SLC35F4: variants seen among roughly 807,000 people sequenced by gnomAD.
SLC35F4 encodes chromosome 14 open reading frame 36.
In SLC35F4, 24 loss-of-function variants were observed where a neutral mutation model predicts 44.2. The ratio of observed to expected loss-of-function variants is 0.54; its 90% CI spans 0.39 to 0.76. The LOEUF is 0.76. Among genes scored for constraint, SLC35F4 ranks in the 30% least tolerant of loss-of-function variants. The pLI is 0.00. For missense variants in SLC35F4, 562 were observed against 586.1 expected, an observed-to-expected ratio of 0.96 and a Z score of 0.42; for synonymous variants, 238 against 223.6, an observed-to-expected ratio of 1.06 and a Z score of -0.57.
At position 57,589,211 on chromosome 14, in the gene SLC35F4, C is replaced by A; in HGVS notation, c.587+5G>T. On this transcript the variant is annotated splice_donor_5th_base_variant and intron_variant, in intron 3 of 7. Coordinates refer to ENST00000556826, the MANE Select transcript of SLC35F4 (RefSeq NM_001306087.2). ...CTCTTATTGGGCAGTTAACATGAAACCTACCTGAATTTTTTCATTGGAGAT... is the reference window on the plus strand; with the variant it reads ...CTCTTATTGGGCAGTTAACATGAAAACTACCTGAATTTTTTCATTGGAGAT... The A allele has an allele frequency of 6.3e-7, 1 of 1,597,814 alleles. No homozygotes were observed. The highest frequency in any genetic ancestry group is 1.7e-5 in the Admixed American group (1 of 58,152).
At chr14:57,913,972 T>C (rs1889266796) in intron 1 of SLC35F4, among the ~76,000 whole-genome samples, 1 of 152,216 alleles carries the variant, frequency 6.6e-6, no homozygotes, top group Admixed American at 6.5e-5. Flanking sequence ...TGTTGGATAT[T>C]TTCTGAACAC....
At chr14:57,929,285 CA>C (rs1889645985) in intron 1 of SLC35F4, among the ~76,000 whole-genome samples, 2 of 152,024 alleles carry the variant, frequency 1.3e-5, no homozygotes, top group Admixed American at 1.3e-4. Context: ...GTAAACTAAG[CA>C]AAAGAATATG....
intron 1 of SLC35F4, among the ~76,000 whole-genome samples, chr14:57,737,327 T>C (rs1253721795): frequency 1.3e-5 from 2 of 152,174 alleles, no homozygotes; most frequent in East Asian, 3.8e-4. Flanking sequence ...TCCTCCAATC[T>C]ACTCCCTATT....
At chr14:57,926,580 T>C (rs1889574867) in intron 1 of SLC35F4, among the ~76,000 whole-genome samples, 1 of 152,176 alleles carries the variant, frequency 6.6e-6, no homozygotes, top group Admixed American at 6.5e-5. Flanking sequence ...TATGTATATG[T>C]GCCACTGCTT....
chr14:57,925,602 A>C (rs1213015644), intron 1 of SLC35F4, among the ~76,000 whole-genome samples: 1 of 150,414 alleles, frequency 6.6e-6, no homozygotes, highest in African/African-American at 2.5e-5. Flanking sequence ...AGAATAGAGA[A>C]ACACTTAAGT....
chr14:57,606,768 C>T (rs1434339151), intron 1 of SLC35F4, among the ~76,000 whole-genome samples: 1 of 152,220 alleles, frequency 6.6e-6, no homozygotes, highest in Non-Finnish European at 1.5e-5. Context: ...GGAATCTTCT[C>T]TTCCAAATGG....
rs192354940 is a variant in SLC35F4 at position 57,732,493 on chromosome 14, A to G, written c.103+133230T>C. The stretch of plus-strand genomic sequence containing the variant: ...GTAATTAAGACAAGCTAAATGTTCA[A>G]TCATATTGCTCTATATGTCAATTTA... On this transcript the variant is annotated intron_variant, in intron 1 of 7. Transcript: ENST00000556826. Among the ~76,000 whole-genome samples the G allele has an allele frequency of 7.2e-5, 11 of 152,330 alleles. No individual in the cohort carries two copies. The East Asian group carries it at 1.7e-3, about 24-fold the overall frequency.
chr14:57,790,819 G>A (rs1234029040), intron 1 of SLC35F4, among the ~76,000 whole-genome samples: 1 of 152,080 alleles, frequency 6.6e-6, no homozygotes, highest in Non-Finnish European at 1.5e-5. Flanking sequence ...AGAGGCCTCA[G>A]AAATAACACC....
At chr14:57,862,874 C>A (rs754669693) in intron 1 of SLC35F4, among the ~76,000 whole-genome samples, 4 of 152,172 alleles carry the variant, frequency 2.6e-5, no homozygotes, top group Non-Finnish European at 5.9e-5. Context: ...TGTTTGCTCC[C>A]ACTAGAACTT....
At chr14:57,807,910 C>G (rs1043146346) in intron 1 of SLC35F4, among the ~76,000 whole-genome samples, 4 of 151,640 alleles carry the variant, frequency 2.6e-5, no homozygotes, top group Admixed American at 1.3e-4. Context: ...TGGTGGGAGG[C>G]AAAGGAGGAG....
At chr14:57,735,741 A>AT (rs1402469473) in intron 1 of SLC35F4, among the ~76,000 whole-genome samples, 1 of 150,984 alleles carries the variant, frequency 6.6e-6, no homozygotes, top group African/African-American at 2.4e-5. Flanking sequence ...TTTTTTTTTA[A>AT]AGACAGAGCT....
intron 1 of SLC35F4, among the ~76,000 whole-genome samples, chr14:57,874,912 A>T (rs1888367563): frequency 6.6e-6 from 1 of 152,188 alleles, no homozygotes; most frequent in South Asian, 2.1e-4. Context: ...TGTAATCAGT[A>T]ACTGACTACT....
At chr14:57,617,375 C>T (rs947151698) in intron 1 of SLC35F4, among the ~76,000 whole-genome samples, 1 of 151,940 alleles carries the variant, frequency 6.6e-6, no homozygotes, top group Non-Finnish European at 1.5e-5. Flanking sequence ...CGTGATCCAC[C>T]TGCCTCAGCC....
chr14:57,629,823 G>C, intron 1 of SLC35F4: 1 of 335,412 alleles, frequency 3.0e-6, no homozygotes. Context: ...ACGAGAAGTG[G>C]GAGTGGAGGA....
intron 1 of SLC35F4, among the ~76,000 whole-genome samples, chr14:57,677,230 T>C (rs1334967755): frequency 6.6e-6 from 1 of 151,868 alleles, no homozygotes; most frequent in Non-Finnish European, 1.5e-5. Context: ...GGAATAAGAA[T>C]GATATAATGG....
At chr14:57,977,640 T>G (rs1056768921) in intron 1 of SLC35F4, among the ~76,000 whole-genome samples, 5 of 152,312 alleles carry the variant, frequency 3.3e-5, no homozygotes, top group African/African-American at 1.2e-4. Flanking sequence ...CAGAAATTAA[T>G]TTTATCAACC....
intron 1 of SLC35F4, among the ~76,000 whole-genome samples, chr14:57,757,490 T>C (rs2077021044): frequency 6.6e-6 from 1 of 152,150 alleles, no homozygotes. Context: ...TAAATGATTA[T>C]ATTTTATTTT....
At chr14:57,670,119 G>A (rs1285346704) in intron 1 of SLC35F4, among the ~76,000 whole-genome samples, 3 of 152,144 alleles carry the variant, frequency 2.0e-5, no homozygotes, top group Non-Finnish European at 4.4e-5. Flanking sequence ...TATTTGCATA[G>A]AGGTGTTTAT....
intron 1 of SLC35F4, among the ~76,000 whole-genome samples, chr14:57,967,569 T>C (rs1328064416): frequency 2.0e-5 from 3 of 152,228 alleles, no homozygotes; most frequent in Non-Finnish European, 4.4e-5. Flanking sequence ...AATTTTGTTT[T>C]AACGTCTGGC....
Sources: gnomAD v4.1 joint callset for allele counts (sites outside exome capture counted in the v4.1 genomes callset) on GRCh38, gnomAD v4.1.1 for gene constraint, MANE v1.5 for transcripts, NCBI Gene and HGNC (gene_info 2026-07-23, HGNC 2026-07-21) for gene names.